The following ARK2C variants were observed in gnomAD, a reference collection of about 807,000 sequenced individuals.
ARK2C encodes E3 ubiquitin-protein ligase ARK2C.
the ARK2C span, among the ~76,000 whole-genome samples, chr18:46,401,712 C>A: frequency 6.6e-6 from 1 of 152,232 alleles, no homozygotes; most frequent in East Asian, 1.9e-4. Context: ...CTCAAGTCAG[C>A]CCCGTGAGGT....
the ARK2C span, chr18:46,334,713 T>A: frequency 0.033 from 3,224 of 98,128 alleles, 80 homozygotes; most frequent in African/African-American, 0.12. The surrounding 1 kb of genome is among the most constrained non-coding windows in gnomAD (Gnocchi z 4.4). Context: ...TGTGTGTGTG[T>A]GTGAGAGAGA....
the ARK2C span, among the ~76,000 whole-genome samples, chr18:46,428,602 T>C: frequency 6.6e-6 from 1 of 152,154 alleles, no homozygotes. Flanking sequence ...TCACCTCCAG[T>C]GGCTCCTGGG....
chr18:46,444,253 G>T, the ARK2C span, among the ~76,000 whole-genome samples: 1 of 151,952 alleles, frequency 6.6e-6, no homozygotes, highest in African/African-American at 2.4e-5. Flanking sequence ...GTGTTATCCT[G>T]CTTAAAGTTT....
At chr18:46,456,841 C>A in the ARK2C span, 51 of 548,990 alleles carry the variant, frequency 9.3e-5, no homozygotes, top group Middle Eastern at 2.0e-3. Flanking sequence ...TGGCGACTGT[C>A]CCCATCCGCC....
At chr18:46,354,123 T>C in the ARK2C span, among the ~76,000 whole-genome samples, 5 of 152,186 alleles carry the variant, frequency 3.3e-5, no homozygotes, top group African/African-American at 7.2e-5. Context: ...TGCCCAAATT[T>C]ATGAATTGTT....
At chr18:46,409,868 T>C in the ARK2C span, among the ~76,000 whole-genome samples, 1 of 152,218 alleles carries the variant, frequency 6.6e-6, no homozygotes. Flanking sequence ...GACATTTCGT[T>C]GTTTCCAGTC....
At chr18:46,358,444 C>T in the ARK2C span, among the ~76,000 whole-genome samples, 13 of 152,262 alleles carry the variant, frequency 8.5e-5, no homozygotes, top group Admixed American at 3.9e-4. Context: ...CTGGGAATCA[C>T]GTAAAATGAG....
chr18:46,435,436 G>C, the ARK2C span: 2 of 1,419,416 alleles, frequency 1.4e-6, no homozygotes, highest in Admixed American at 1.7e-5. Context: ...GGGAGGAAGG[G>C]AGGGAGGAGG....
At chr18:46,336,263 C>T in the ARK2C span, 2 of 985,328 alleles carry the variant, frequency 2.0e-6, no homozygotes, top group Non-Finnish European at 2.4e-6. Flanking sequence ...TTACCATCCT[C>T]ATTAATACCA....
the ARK2C span, among the ~76,000 whole-genome samples, chr18:46,393,007 C>T: frequency 5.3e-5 from 8 of 152,166 alleles, no homozygotes; most frequent in Non-Finnish European, 1.0e-4. Context: ...CTCCTCACCT[C>T]ATTTTGCAGA....
the ARK2C span, among the ~76,000 whole-genome samples, chr18:46,426,890 T>C: frequency 6.6e-6 from 1 of 152,216 alleles, no homozygotes; most frequent in Non-Finnish European, 1.5e-5. Context: ...ACAGGGAAAA[T>C]TGCAGGTTGT....
chr18:46,443,837 C>G, the ARK2C span, among the ~76,000 whole-genome samples: 1 of 152,158 alleles, frequency 6.6e-6, no homozygotes, highest in Non-Finnish European at 1.5e-5. Context: ...ATTATCATTT[C>G]TGGCACTCTT....
At chr18:46,427,149 G>A in the ARK2C span, among the ~76,000 whole-genome samples, 5 of 152,358 alleles carry the variant, frequency 3.3e-5, no homozygotes, top group South Asian at 1.0e-3. Context: ...CCACTCTGGG[G>A]ATGGAGATGG....
the ARK2C span, among the ~76,000 whole-genome samples, chr18:46,408,568 G>T: frequency 6.6e-6 from 1 of 152,250 alleles, no homozygotes; most frequent in Non-Finnish European, 1.5e-5. Flanking sequence ...CCTGCTGCGG[G>T]GAGGAAGAGA....
chr18:46,392,006 GCACACAACACACACACCTTACACACCA>G, the ARK2C span, among the ~76,000 whole-genome samples: 1 of 150,540 alleles, frequency 6.6e-6, no homozygotes, highest in Non-Finnish European at 1.5e-5. Context: ...CCACACATAT[GCACACAACACACACACCTTACACACCA>G]CACATAATAC....
chr18:46,376,752 C>A, the ARK2C span, among the ~76,000 whole-genome samples: 2 of 132,242 alleles, frequency 1.5e-5, 1 homozygote, highest in Middle Eastern at 0.011. Context: ...GCCACTGCAA[C>A]ATCCGCCTCC....
At chr18:46,395,242 C>T in the ARK2C span, among the ~76,000 whole-genome samples, 3 of 152,334 alleles carry the variant, frequency 2.0e-5, no homozygotes, top group East Asian at 1.9e-4. Context: ...CTTGAGCCCA[C>T]GTCTCCAGGG....
the ARK2C span, chr18:46,450,852 T>G: frequency 7.4e-7 from 1 of 1,345,228 alleles, no homozygotes; most frequent in Non-Finnish European, 1.1e-6. Flanking sequence ...GCAGGGGGGT[T>G]GTCTAATTGA....
chr18:46,433,903 C>T, the ARK2C span, among the ~76,000 whole-genome samples: 1 of 152,212 alleles, frequency 6.6e-6, no homozygotes, highest in Admixed American at 6.5e-5. Context: ...TCCCCTCCAG[C>T]TTTATGACTG....
Sources: gnomAD v4.1 joint callset for allele counts (sites outside exome capture counted in the v4.1 genomes callset) on GRCh38, gnomAD v4.1.1 for gene constraint, Gnocchi (gnomAD v3.1) non-coding constraint, MANE v1.5 for transcripts, NCBI Gene and HGNC (gene_info 2026-07-23, HGNC 2026-07-21) for gene names.